Variants in ZNF365 observed in about 807,000 individuals in gnomAD.
The protein encoded by ZNF365 is zinc finger protein 365.
In ZNF365, 22 loss-of-function variants were observed where a neutral mutation model predicts 35.0. The ratio of observed to expected loss-of-function variants is 0.63; its 90% CI spans 0.45 to 0.90. ZNF365 has a LOEUF of 0.90. ZNF365 is among the 40% of genes least tolerant of loss of function. The probability of loss-of-function intolerance (pLI) is 0.00; values close to 1 mark genes in which losing one functional copy is unlikely to be tolerated. For missense variants in ZNF365, 448 were observed against 500.3 expected (o/e 0.90, Z 1.00); for synonymous variants, 188 against 196.2 (o/e 0.96, Z 0.35).
At chr10:62,385,199 T>C (rs1454286623) in intron 2 of ZNF365, among the ~76,000 whole-genome samples, 1 of 152,194 alleles carries the variant, frequency 6.6e-6, no homozygotes, top group East Asian at 1.9e-4. Flanking sequence ...GTAATACATC[T>C]ACAAACTGAA....
intron 3 of ZNF365, among the ~76,000 whole-genome samples, chr10:62,458,934 C>A (rs1379420794): frequency 6.6e-6 from 1 of 152,162 alleles, no homozygotes; most frequent in Non-Finnish European, 1.5e-5. Context: ...CAAACTAGAG[C>A]ATTCACTTCA....
At chr10:62,441,675 C>T (rs534739294) in intron 3 of ZNF365, among the ~76,000 whole-genome samples, 1 of 152,268 alleles carries the variant, frequency 6.6e-6, no homozygotes, top group East Asian at 1.9e-4. Flanking sequence ...TCTGTGTTGT[C>T]TTATCTCTCC....
intron 3 of ZNF365, among the ~76,000 whole-genome samples, chr10:62,421,607 A>G (rs116500249): frequency 1.6e-3 from 241 of 152,352 alleles, no homozygotes; most frequent in African/African-American, 5.5e-3. Context: ...GCCTCCCGAC[A>G]TTGGCATACT....
chr10:62,378,904 T>C (rs555894421), intron 2 of ZNF365, among the ~76,000 whole-genome samples: 1 of 152,336 alleles, frequency 6.6e-6, no homozygotes, highest in Non-Finnish European at 1.5e-5. Flanking sequence ...ACCAGTTTGT[T>C]ATTGATGAAT....
In ZNF365 at chr10:62,464,698, T is replaced by A. The variant is rs1455611688; in HGVS notation, c.981+4901T>A. ...TCTTCCACAAACTCCAGATTTTTTATTTCCTGGCAAAGAATAATAATTTTA... is the reference window on the plus strand; with the variant it reads ...TCTTCCACAAACTCCAGATTTTTTAATTCCTGGCAAAGAATAATAATTTTA... On this transcript the variant is annotated intron_variant, in intron 4 of 4. Transcript: ENST00000395255. 3.9e-5 allele frequency among the ~76,000 whole-genome samples: 6 copies of A among 152,264 alleles called. No homozygotes were observed. In the East Asian group the frequency reaches 1.2e-3, roughly 29 times the overall value.
chr10:62,383,399 G>A (rs1839473368), intron 2 of ZNF365, among the ~76,000 whole-genome samples: 1 of 152,236 alleles, frequency 6.6e-6, no homozygotes, highest in African/African-American at 2.4e-5. Context: ...TGGCAAGAGA[G>A]TCTGAGGTTA....
chr10:62,414,639 C>T (rs1379385944), intron 3 of ZNF365, among the ~76,000 whole-genome samples: 2 of 152,158 alleles, frequency 1.3e-5, no homozygotes, highest in Admixed American at 6.5e-5. Flanking sequence ...AGTTTCTAAC[C>T]TTCTGCTACA....
intron 4 of ZNF365, among the ~76,000 whole-genome samples, chr10:62,470,197 G>A (rs1244995377): frequency 6.6e-6 from 1 of 152,200 alleles, no homozygotes; most frequent in Admixed American, 6.5e-5. Flanking sequence ...TAATAAGAAA[G>A]AGAAAGGAAG....
intron 2 of ZNF365, 144 bp downstream of exon 2, chr10:62,377,080 G>A: frequency 8.7e-7 from 1 of 1,147,114 alleles, no homozygotes; most frequent in Non-Finnish European, 1.2e-6. Flanking sequence ...GAACCAGGAG[G>A]AACAAGGCTT....
chr10:62,411,376 G>A (rs941474288), intron 3 of ZNF365, among the ~76,000 whole-genome samples: 22 of 152,188 alleles, frequency 1.4e-4, no homozygotes, highest in African/African-American at 4.8e-4. Flanking sequence ...AAATGGTATT[G>A]CCTAGATTTT....
chr10:62,424,869 A>C (rs184584121), intron 3 of ZNF365, among the ~76,000 whole-genome samples: 2 of 152,276 alleles, frequency 1.3e-5, no homozygotes, highest in Admixed American at 1.3e-4. Context: ...AAGATGGAAA[A>C]CGTTTTTGCT....
At chr10:62,458,084 G>A (rs989567340) in intron 3 of ZNF365, among the ~76,000 whole-genome samples, 4 of 152,200 alleles carry the variant, frequency 2.6e-5, no homozygotes, top group Admixed American at 1.3e-4. Context: ...TGGGAAAAGA[G>A]GAGAGAGATG....
chr10:62,399,978 A>G lies in ZNF365; in HGVS notation c.*189A>G. 1 of 1,354,408 alleles carries G rather than the reference A, an allele frequency of 7.4e-7. No individual in the cohort carries two copies. Among genetic ancestry groups the G allele is most frequent in the Non-Finnish European group, 9.5e-7 (1 of 1,054,876 alleles). The allele number at this position is 1,354,408 out of a possible 1,614,324, so 83.9% of individuals were successfully genotyped here. A position where few individuals can be genotyped will look rare whatever the true frequency, so the allele number is the denominator to read the frequency against. ...AATCTTAGTGAACCAGAATTTTATT[A>G]TAACCCCCTTTTAGAAGCTTGCAAA... On this transcript the variant is annotated 3_prime_UTR_variant, in exon 5 of 5. Coordinates refer to ENST00000395254, the MANE Select transcript of ZNF365 (RefSeq NM_014951.3).
intron 4 of ZNF365, among the ~76,000 whole-genome samples, chr10:62,477,311 A>G (rs1841148491): frequency 6.6e-6 from 1 of 152,242 alleles, no homozygotes; most frequent in African/African-American, 2.4e-5. Context: ...ATTTTGGAAC[A>G]CTAAAGATAA....
At position 62,469,049 on chromosome 10, in the gene ZNF365, G is replaced by A. The variant is rs193284040; in HGVS notation, c.981+9252G>A. ...GCAATGGCTACCAAGAGGTGGAAGCGACCCATTCACAGCAAAAGTGGACCA... is the reference window on the plus strand; with the variant it reads ...GCAATGGCTACCAAGAGGTGGAAGCAACCCATTCACAGCAAAAGTGGACCA... On this transcript the variant is annotated intron_variant, in intron 4 of 4. Coordinates refer to the ZNF365 transcript ENST00000395255. Among the ~76,000 whole-genome samples the A allele has an allele frequency of 1.7e-3, 252 of 152,274 alleles. 4 individuals are homozygous for A. Among genetic ancestry groups the A allele is most frequent in the Middle Eastern group, 3.4e-3 (1 of 294 alleles).
At chr10:62,405,776 A>T (rs1239399649), downstream of ZNF365, among the ~76,000 whole-genome samples, 1 of 152,230 alleles carries the variant, frequency 6.6e-6, no homozygotes, top group Non-Finnish European at 1.5e-5. Context: ...TTGCTGACTA[A>T]CAAGTGGCAT....
chr10:62,435,032 A>T (rs1450516006), intron 3 of ZNF365, among the ~76,000 whole-genome samples: 1 of 152,206 alleles, frequency 6.6e-6, no homozygotes, highest in Non-Finnish European at 1.5e-5. Context: ...AGAGATAGAC[A>T]ATAAAATCTG....
chr10:62,477,312 C>T (rs1841148531), intron 4 of ZNF365, among the ~76,000 whole-genome samples: 1 of 151,790 alleles, frequency 6.6e-6, no homozygotes, highest in Non-Finnish European at 1.5e-5. Context: ...TTTTGGAACA[C>T]TAAAGATAAA....
At chr10:62,451,885 A>C (rs1194680028) in intron 3 of ZNF365, among the ~76,000 whole-genome samples, 1 of 152,226 alleles carries the variant, frequency 6.6e-6, no homozygotes, top group Admixed American at 6.5e-5. Flanking sequence ...GTAATGTGAC[A>C]AGGAATTTTT....
Sources: allele counts gnomAD v4.1 joint callset (sites outside exome capture counted in the v4.1 genomes callset), GRCh38; gene constraint gnomAD v4.1.1; transcripts MANE v1.5; gene names NCBI Gene and HGNC (gene_info 2026-07-23, HGNC 2026-07-21).